ATXN2: variants seen among roughly 807,000 people sequenced by gnomAD.
ATXN2 encodes the protein ataxin 2.
In ATXN2, 37 loss-of-function variants were observed where a neutral mutation model predicts 138.6. The observed-to-expected ratio is 0.27, with a 90% confidence interval of 0.21 to 0.35. The LOEUF is 0.35. Ranked by LOEUF, ATXN2 falls within the 10% of genes least tolerant of loss-of-function variation. The pLI is 1.00. For missense variants in ATXN2, 1,216 were observed against 1,480.3 expected (o/e 0.82, Z 2.93); for synonymous variants, 549 against 543.7 (o/e 1.01, Z -0.13).
chr12:111,454,949 CA>C, intron 23 of ATXN2: 1 of 677,328 alleles, frequency 1.5e-6, no homozygotes, highest in Middle Eastern at 2.9e-4. Context: ...TCCCCACTAT[CA>C]AAAAGCAAAT....
At chr12:111,511,322 A>C (rs952088756) in intron 11 of ATXN2, 8 of 152,166 alleles carry the variant, frequency 5.3e-5, no homozygotes, top group African/African-American at 1.9e-4. Context: ...ATTAGTAAAA[A>C]GAGAAAATCT....
At chr12:111,510,137 GT>G in intron 12 of ATXN2, 139 bp from the exon 13 acceptor site, 1 of 748,600 alleles carries the variant, frequency 1.3e-6, no homozygotes, top group Non-Finnish European at 2.1e-6. Context: ...CTTTGCAGAT[GT>G]CATATGAAAC....
intron 18 of ATXN2, among the ~76,000 whole-genome samples, chr12:111,483,087 T>C (rs1877363701): frequency 6.6e-6 from 1 of 151,210 alleles, no homozygotes; most frequent in Non-Finnish European, 1.5e-5. Context: ...TCCAGGGGAC[T>C]GAGAAGGGAG....
intron 23 of ATXN2, 110 bp downstream of exon 23, chr12:111,455,919 C>T: frequency 9.6e-7 from 1 of 1,046,174 alleles, no homozygotes; most frequent in Non-Finnish European, 1.5e-6. Context: ...GGGAGACAGG[C>T]AAATGGCATG....
upstream of ATXN2, chr12:111,599,645 C>A (rs748128520): frequency 5.6e-6 from 6 of 1,079,284 alleles, no homozygotes; most frequent in Non-Finnish European, 6.7e-6. Flanking sequence ...ACGTGAGGAG[C>A]GGGCGGCGCG....
intron 1 of ATXN2, among the ~76,000 whole-genome samples, chr12:111,575,713 G>C (rs1459433171): frequency 6.6e-6 from 1 of 152,134 alleles, no homozygotes; most frequent in Non-Finnish European, 1.5e-5. Flanking sequence ...TAAAAAAAGG[G>C]GAGGAAATTA....
intron 23 of ATXN2, chr12:111,454,993 C>T: frequency 2.8e-6 from 2 of 702,164 alleles, no homozygotes; most frequent in Non-Finnish European, 5.2e-6. Context: ...AGAACCTAAA[C>T]TTTGCAGGGT....
At chr12:111,586,067 T>A (rs1312061587) in intron 1 of ATXN2, among the ~76,000 whole-genome samples, 2 of 151,484 alleles carry the variant, frequency 1.3e-5, no homozygotes, top group Non-Finnish European at 2.9e-5. Context: ...TGGCTAAATT[T>A]TTTGTATTAA....
At chr12:111,578,040 T>C (rs1883776418) in intron 1 of ATXN2, among the ~76,000 whole-genome samples, 3 of 151,728 alleles carry the variant, frequency 2.0e-5, no homozygotes, top group Non-Finnish European at 4.4e-5. Flanking sequence ...CTACTAAAAA[T>C]ACAAAAATTA....
At chr12:111,555,993 T>A in intron 1 of ATXN2, 74 bp from the exon 2 acceptor site, 1 of 1,195,896 alleles carries the variant, frequency 8.4e-7, no homozygotes, top group East Asian at 2.7e-5. Flanking sequence ...AAACTTAAAA[T>A]ATAATTCCAT....
At chr12:111,592,115 G>A (rs981746740) in intron 1 of ATXN2, among the ~76,000 whole-genome samples, 5 of 147,074 alleles carry the variant, frequency 3.4e-5, no homozygotes, top group African/African-American at 1.0e-4. Flanking sequence ...GAGGCTGGGC[G>A]GGGGTGGCTC....
chr12:111,453,981 G>T lies in ATXN2; in HGVS notation c.3271-136C>A. 1 of 820,410 alleles carries T rather than the reference G, an allele frequency of 1.2e-6. No homozygotes were observed. Among genetic ancestry groups the T allele is most frequent in the Non-Finnish European group, 1.9e-6 (1 of 534,920 alleles). The allele number at this position is 820,410 out of a possible 1,614,324, so 50.8% of individuals were successfully genotyped here. On this transcript the variant is annotated intron_variant, in intron 23 of 24. Transcript: ENST00000673436. The surrounding 1 kb of genome is among the most constrained non-coding windows in gnomAD (Gnocchi z 5.4). ...CTCAGGGCCCAGTTCTGTTCTCTGG[G>T]GACAATCTCTAGTAGATTATCTATT...
At chr12:111,556,327 G>A (rs921808496) in intron 1 of ATXN2, among the ~76,000 whole-genome samples, 3 of 152,058 alleles carry the variant, frequency 2.0e-5, no homozygotes, top group African/African-American at 7.2e-5. Context: ...AGTAGGCTAC[G>A]ATCATTCCAC....
intron 11 of ATXN2, 78 bp downstream of exon 11, chr12:111,513,279 C>CA: frequency 7.4e-6 from 11 of 1,488,498 alleles, no homozygotes; most frequent in Non-Finnish European, 1.0e-5. Context: ...CTTCCTCAAA[C>CA]AGAGTTGTAG....
rs1331409624 is a variant in ATXN2 at position 111,453,665 on chromosome 12, C to A, written c.3439+12G>T. 1.9e-6 allele frequency: 3 copies of A among 1,570,238 alleles called. No individual in the cohort carries two copies. The South Asian group carries it at 3.5e-5, about 18-fold the overall frequency. The stretch of plus-strand genomic sequence containing the variant: ...GGGGTGCCCCGGCGGCCCCTGCACA[C>A]ACACGCCTCACCTGAAGGGTGCGTC... On this transcript the variant is annotated intron_variant, in intron 24 of 24. Coordinates refer to ENST00000673436, the MANE Select transcript of ATXN2 (RefSeq NM_001372574.1). This position sits in a 1 kb window ranked among gnomAD's most constrained non-coding sequence, Gnocchi z 5.4.
rs1424752622 is a variant in ATXN2 at position 111,452,727 on chromosome 12, G to C, written c.*85C>G. On this transcript the variant is annotated 3_prime_UTR_variant, in exon 25 of 25. Transcript: ENST00000673436. ...TATATATTTTAAAAACAAAATAAAT[G>C]AAATTCTAGTTTTCTGTGCTTCCAG... 6 of 1,388,382 alleles carry C rather than the reference G, an allele frequency of 4.3e-6. No individual in the cohort carries two copies. In the African/African-American group the frequency reaches 7.1e-5, roughly 17 times the overall value. The allele number at this position is 1,388,382 out of a possible 1,614,324, so 86.0% of individuals were successfully genotyped here.
intron 18 of ATXN2, among the ~76,000 whole-genome samples, chr12:111,475,064 A>T (rs1032479589): frequency 1.3e-5 from 2 of 152,130 alleles, no homozygotes; most frequent in African/African-American, 4.8e-5. Context: ...ATACAAAAAA[A>T]TTAGCCGGGT....
chr12:111,452,722 TAAATG>T lies in ATXN2; in HGVS notation c.*85_*89del, dbSNP rs1874746723. 1 of 1,363,022 alleles carries T rather than the reference TAAATG, an allele frequency of 7.3e-7. No homozygotes were observed. The highest frequency in any genetic ancestry group is 1.0e-6 in the Non-Finnish European group (1 of 954,684). The allele number at this position is 1,363,022 out of a possible 1,614,324, so 84.4% of individuals were successfully genotyped here. ...CAACATATATATTTTAAAAACAAAA[TAAATG>T]AAATTCTAGTTTTCTGTGCTTCCAG... On this transcript the variant is annotated 3_prime_UTR_variant, in exon 25 of 25. Coordinates refer to ENST00000673436, the MANE Select transcript of ATXN2 (RefSeq NM_001372574.1).
intron 1 of ATXN2, among the ~76,000 whole-genome samples, chr12:111,590,079 T>C (rs982620104): frequency 6.6e-6 from 1 of 151,350 alleles, no homozygotes; most frequent in African/African-American, 2.4e-5. Context: ...CCAGGTGTAG[T>C]GGTGCATGCC....
Sources: gnomAD v4.1 joint callset for allele counts (sites outside exome capture counted in the v4.1 genomes callset) on GRCh38, gnomAD v4.1.1 for gene constraint, Gnocchi (gnomAD v3.1) non-coding constraint, MANE v1.5 for transcripts, NCBI Gene and HGNC (gene_info 2026-07-23, HGNC 2026-07-21) for gene names.